Variants in ILDR1 observed in about 807,000 individuals in gnomAD.
ILDR1 encodes the protein immunoglobulin like domain containing receptor 1, also known as immunoglobulin-like domain-containing receptor 1.
ILDR1 carries 56 observed loss-of-function variants against 62.4 expected under a neutral mutation model. The observed-to-expected ratio is 0.90, with a 90% CI of 0.72 to 1.12. The LOEUF is 1.12. Ranked by LOEUF, ILDR1 falls within the 50% of genes most tolerant of loss-of-function variation. The pLI, the probability that ILDR1 is intolerant of heterozygous loss-of-function variation, is 0.00. For synonymous variants in ILDR1, 284 were observed against 277.8 expected (o/e 1.02, Z -0.22); for missense variants, 736 against 710.6 (o/e 1.04, Z -0.41).
the ILDR1 span, chr3:122,055,443 T>C: frequency 1.2e-6 from 2 of 1,602,350 alleles, no homozygotes; most frequent in Non-Finnish European, 1.7e-6. Flanking sequence ...GACACACGGA[T>C]GAGTGGGGTC....
chr3:122,034,125 A>T, the ILDR1 span, among the ~76,000 whole-genome samples: 1 of 152,220 alleles, frequency 6.6e-6, no homozygotes, highest in Admixed American at 6.5e-5. Context: ...AAGAAATTTC[A>T]CATACCCTTT....
chr3:122,006,952 C>G (rs371625384), intron 2 of ILDR1, 39 bp downstream of exon 2: 150 of 1,594,208 alleles, frequency 9.4e-5, no homozygotes, highest in Admixed American at 1.1e-4. Flanking sequence ...ACAGAGGTGT[C>G]TGGGACCCAC....
At chr3:122,013,841 C>T (rs910948998) in intron 1 of ILDR1, among the ~76,000 whole-genome samples, 20 of 152,092 alleles carry the variant, frequency 1.3e-4, no homozygotes, top group African/African-American at 3.9e-4. Context: ...TGCAGCACCC[C>T]GAGAAGGAAA....
intron 7 of ILDR1, among the ~76,000 whole-genome samples, chr3:121,989,929 TTA>T (rs2071315255): frequency 6.6e-6 from 1 of 152,260 alleles, no homozygotes; most frequent in Admixed American, 6.5e-5. Flanking sequence ...GTTGTTCCAT[TTA>T]TGTTTCTCTA....
At chr3:122,003,368 T>C (rs546045533) in intron 3 of ILDR1, among the ~76,000 whole-genome samples, 3 of 152,336 alleles carry the variant, frequency 2.0e-5, no homozygotes, top group African/African-American at 7.2e-5. Flanking sequence ...TCCTACCCGC[T>C]ATTTTCCAAA....
At chr3:122,031,346 C>G in the ILDR1 span, among the ~76,000 whole-genome samples, 1 of 152,220 alleles carries the variant, frequency 6.6e-6, no homozygotes, top group Admixed American at 6.5e-5. Flanking sequence ...TGAAAAATCA[C>G]TGGACCAAAT....
intron 4 of ILDR1, 53 bp from the exon 5 acceptor site, chr3:122,001,507 T>C: frequency 9.7e-5 from 142 of 1,468,156 alleles, no homozygotes; most frequent in Non-Finnish European, 1.3e-4. Context: ...GGGGAGGGAA[T>C]ACTTCCAGTT....
Position 122,022,237 on chromosome 3 carries a change from A to T in ILDR1, c.-160T>A, listed in dbSNP as rs1421460964. On this transcript the variant is annotated 5_prime_UTR_variant, in exon 1 of 8. Transcript: ENST00000344209. ...GGAGCGTCCGCTCTGGTCCCGGGGCAGGTGCCGCCCGGCTCGTCCCCACCT... is the reference window on the plus strand; with the variant it reads ...GGAGCGTCCGCTCTGGTCCCGGGGCTGGTGCCGCCCGGCTCGTCCCCACCT... 2 of 606,696 alleles carry T rather than the reference A, an allele frequency of 3.3e-6. No homozygotes were observed. Among genetic ancestry groups the T allele is most frequent in the East Asian group, 6.5e-5 (2 of 30,754 alleles). The allele number at this position is 606,696 out of a possible 1,614,324, so 37.6% of individuals were successfully genotyped here. A position where few individuals can be genotyped will look rare whatever the true frequency, so the allele number is the denominator to read the frequency against.
the ILDR1 span, among the ~76,000 whole-genome samples, chr3:122,061,580 T>C: frequency 6.6e-6 from 1 of 152,088 alleles, no homozygotes; most frequent in South Asian, 2.1e-4. Flanking sequence ...AAAGAAAATA[T>C]ACAGATGGTG....
At chr3:122,019,078 C>G (rs903226540) in intron 1 of ILDR1, among the ~76,000 whole-genome samples, 1 of 152,116 alleles carries the variant, frequency 6.6e-6, no homozygotes, top group Non-Finnish European at 1.5e-5. Flanking sequence ...TTCACTAAAG[C>G]AGAAATGACA....
the ILDR1 span, among the ~76,000 whole-genome samples, chr3:122,043,122 C>G: frequency 1.5e-5 from 2 of 132,352 alleles, no homozygotes; most frequent in African/African-American, 3.0e-5. Context: ...CCAGTTTCAG[C>G]TTTCTACATA....
the ILDR1 span, among the ~76,000 whole-genome samples, chr3:122,033,391 G>A: frequency 6.6e-6 from 1 of 151,620 alleles, no homozygotes; most frequent in Non-Finnish European, 1.5e-5. Flanking sequence ...TGGATATAGT[G>A]CCTTTGTGAT....
intron 1 of ILDR1, among the ~76,000 whole-genome samples, chr3:122,009,656 G>A (rs531467265): frequency 9.2e-5 from 14 of 152,206 alleles, no homozygotes; most frequent in Non-Finnish European, 1.9e-4. Context: ...TTCTCCAACA[G>A]AGTTTTCAAA....
chr3:122,024,689 AT>A (rs754243060), upstream of ILDR1, among the ~76,000 whole-genome samples: 6 of 152,242 alleles, frequency 3.9e-5, no homozygotes, highest in Non-Finnish European at 8.8e-5. Context: ...AATAAGGGCT[AT>A]TATTATCAAT....
rs1302797123 is a variant in ILDR1 at position 121,987,776 on chromosome 3, A to T, written c.*591T>A. ...GTCTACTGAAAGACTCAGGCTACTA[A>T]GTTCCTGAGGGATCACATTCCAGTC... is the stretch of plus-strand genomic sequence containing the variant. On this transcript the variant is annotated 3_prime_UTR_variant, in exon 8 of 8. Transcript: ENST00000344209. 5.3e-6 allele frequency: 1 copy of T among 186,986 alleles called. No individual in the cohort carries two copies. The highest frequency in any genetic ancestry group is 1.1e-5 in the Non-Finnish European group (1 of 89,184). 11.6% of individuals were successfully genotyped at this position (186,986 alleles called of 1,614,324 possible).
At chr3:122,027,620 G>A in the ILDR1 span, among the ~76,000 whole-genome samples, 1 of 152,112 alleles carries the variant, frequency 6.6e-6, no homozygotes, top group Non-Finnish European at 1.5e-5. Flanking sequence ...ATAAGAATCT[G>A]AAATTTTTTC....
intron 1 of ILDR1, among the ~76,000 whole-genome samples, chr3:122,008,583 CTTTTCTTTTCTTT>C (rs1487380151): frequency 4.7e-4 from 31 of 66,284 alleles, no homozygotes; most frequent in Admixed American, 1.6e-3. Context: ...CTTTTCTTTT[CTTTTCTTTTCTTT>C]TTTTTTTTTT....
intron 2 of ILDR1, among the ~76,000 whole-genome samples, chr3:122,006,429 G>A (rs1372586158): frequency 1.3e-5 from 2 of 152,142 alleles, no homozygotes; most frequent in Non-Finnish European, 2.9e-5. Context: ...AGGCAGGACT[G>A]GCCAACTCTA....
At chr3:122,045,683 A>C in the ILDR1 span, among the ~76,000 whole-genome samples, 2 of 151,578 alleles carry the variant, frequency 1.3e-5, no homozygotes, top group Non-Finnish European at 2.9e-5. Flanking sequence ...TGGCCTTCTT[A>C]GTCTCTTTTG....
Sources: gnomAD v4.1 joint callset for allele counts (sites outside exome capture counted in the v4.1 genomes callset) on GRCh38, gnomAD v4.1.1 for gene constraint, MANE v1.5 for transcripts, NCBI Gene and HGNC (gene_info 2026-07-23, HGNC 2026-07-21) for gene names.